Variants in PTPRT observed in about 807,000 individuals in gnomAD.
PTPRT encodes the protein receptor-type tyrosine-protein phosphatase T.
Under a neutral mutation model 176.8 loss-of-function variants are expected in PTPRT, and 56 were observed. That is an observed-to-expected ratio of 0.32 (90% CI 0.26 to 0.40). The LOEUF (loss-of-function observed/expected upper bound fraction) is 0.40, where lower values mean the gene tolerates loss of function less well. PTPRT is among the 10% of genes least tolerant of loss of function. The pLI is 1.00. For missense variants in PTPRT, 1,540 were observed against 1,908.2 expected (o/e 0.81, Z 3.60); for synonymous variants, 783 against 739.0 (o/e 1.06, Z -0.96).
chr20:42,733,002 G>A (rs966988475), intron 6 of PTPRT, among the ~76,000 whole-genome samples: 37 of 152,152 alleles, frequency 2.4e-4, no homozygotes, highest in African/African-American at 8.7e-4. Context: ...ATGAATAAAT[G>A]GGAACACTGA....
rs558916384 is a variant in PTPRT, at chr20:43,128,416, G to A, written c.88+61230C>T. Among the ~76,000 whole-genome samples, 100 of 152,320 alleles carry A rather than the reference G, an allele frequency of 6.6e-4. 1 individual carries two copies. The highest frequency in any genetic ancestry group is 1.0e-3 in the Admixed American group (16 of 15,296). On this transcript the variant is annotated intron_variant, in intron 1 of 30. Coordinates refer to ENST00000373187, the MANE Select transcript of PTPRT (RefSeq NM_007050.6). ...TATTACAAAACGCAGAACTCTGAAA[G>A]GTTCAAGTCCCTACGACAAATAAGC...
intron 1 of PTPRT, among the ~76,000 whole-genome samples, chr20:43,149,002 A>T (rs1377441423): frequency 2.0e-5 from 3 of 152,212 alleles, no homozygotes; most frequent in African/African-American, 7.2e-5. Context: ...GCTGCAGAAT[A>T]ACTGGGGGAA....
chr20:42,692,081 G>T (rs2075802107), intron 6 of PTPRT, among the ~76,000 whole-genome samples: 1 of 152,132 alleles, frequency 6.6e-6, no homozygotes, highest in Non-Finnish European at 1.5e-5. Flanking sequence ...ACAAAATCCT[G>T]CTTGAAGGTG....
intron 12 of PTPRT, among the ~76,000 whole-genome samples, chr20:42,301,889 T>C (rs2057474132): frequency 2.0e-5 from 3 of 152,224 alleles, no homozygotes; most frequent in Non-Finnish European, 2.9e-5. Flanking sequence ...ATGATCATTG[T>C]TGAAGCTGAG....
At chr20:42,555,190 TGGAA>T (rs1467691743) in intron 7 of PTPRT, among the ~76,000 whole-genome samples, 1 of 152,168 alleles carries the variant, frequency 6.6e-6, no homozygotes, top group Non-Finnish European at 1.5e-5. Context: ...GCTCTGGGCC[TGGAA>T]GGAAGGATTT....
At chr20:42,216,710 GTCCCATATTTGAGCTTC>G (rs1568680675) in intron 15 of PTPRT, among the ~76,000 whole-genome samples, 1 of 152,004 alleles carries the variant, frequency 6.6e-6, no homozygotes, top group Non-Finnish European at 1.5e-5. Flanking sequence ...TTGTTGCATC[GTCCCATATTTGAGCTTC>G]CCCGTGTCTA....
intron 17 of PTPRT, among the ~76,000 whole-genome samples, chr20:42,155,042 T>C (rs1300116366): frequency 6.6e-6 from 1 of 152,206 alleles, no homozygotes; most frequent in African/African-American, 2.4e-5. Context: ...CCATGGGTTT[T>C]CTTAGTGGTT....
intron 13 of PTPRT, among the ~76,000 whole-genome samples, chr20:42,267,889 T>C (rs1318410199): frequency 1.3e-5 from 2 of 152,234 alleles, no homozygotes; most frequent in Non-Finnish European, 2.9e-5. Flanking sequence ...TGATTACCTA[T>C]GACTGTGGCT....
chr20:42,384,147 A>G (rs1407120199), intron 9 of PTPRT, among the ~76,000 whole-genome samples: 1 of 152,230 alleles, frequency 6.6e-6, no homozygotes, highest in Admixed American at 6.5e-5. Context: ...CATCAAATGC[A>G]TATGGACCAT....
At chr20:42,504,532 CTAATT>C (rs546231183) in intron 7 of PTPRT, among the ~76,000 whole-genome samples, 40 of 152,170 alleles carry the variant, frequency 2.6e-4, no homozygotes, top group African/African-American at 8.4e-4. Flanking sequence ...TGCTTTCAGT[CTAATT>C]TATCTGATAT....
chr20:42,174,800 T>G (rs533602213), intron 16 of PTPRT, among the ~76,000 whole-genome samples: 21 of 152,082 alleles, frequency 1.4e-4, no homozygotes, highest in African/African-American at 4.8e-4. Context: ...GCCTGTGTGA[T>G]TTTGGGCAAG....
At chr20:42,382,609 G>T (rs2058707670) in intron 9 of PTPRT, among the ~76,000 whole-genome samples, 1 of 152,136 alleles carries the variant, frequency 6.6e-6, no homozygotes, top group African/African-American at 2.4e-5. Context: ...AGGAAAACAG[G>T]GGGAGAAGGG....
chr20:42,621,128 C>G (rs911640143), intron 7 of PTPRT, among the ~76,000 whole-genome samples: 1 of 152,108 alleles, frequency 6.6e-6, no homozygotes, highest in Non-Finnish European at 1.5e-5. Context: ...TGGGTGGGGA[C>G]AAAGAGCCAA....
At chr20:43,037,327 G>C (rs1230406695) in intron 1 of PTPRT, among the ~76,000 whole-genome samples, 1 of 152,180 alleles carries the variant, frequency 6.6e-6, no homozygotes, top group East Asian at 1.9e-4. Context: ...AAACTGATTT[G>C]ACTACATAAA....
chr20:42,477,476 G>A lies in PTPRT; in HGVS notation c.1154-4914C>T, dbSNP rs538876424. 1.0e-3 allele frequency among the ~76,000 whole-genome samples: 156 copies of A among 152,252 alleles called. 3 individuals are homozygous for A. The highest frequency in any genetic ancestry group is 2.8e-4 in the Non-Finnish European group (19 of 68,016). ...TTTAGAGTGTGATGGAAGCATTCAT[G>A]CTTTCAGTCCGACCCCTCTAAACCT... On this transcript the variant is annotated intron_variant, in intron 7 of 30. Coordinates refer to ENST00000373187, the MANE Select transcript of PTPRT (RefSeq NM_007050.6).
intron 1 of PTPRT, among the ~76,000 whole-genome samples, chr20:43,139,647 G>A (rs886895172): frequency 6.6e-6 from 1 of 152,208 alleles, no homozygotes; most frequent in African/African-American, 2.4e-5. Flanking sequence ...CTGGGCTATT[G>A]ATTTACCTAT....
intron 2 of PTPRT, among the ~76,000 whole-genome samples, chr20:42,846,059 A>G (rs986754748): frequency 2.6e-5 from 4 of 152,108 alleles, no homozygotes; most frequent in Non-Finnish European, 5.9e-5. Context: ...TCAAAACCTT[A>G]CCACCATCAC....
chr20:42,813,308 A>G (rs551025629), intron 2 of PTPRT, among the ~76,000 whole-genome samples: 1 of 152,068 alleles, frequency 6.6e-6, no homozygotes, highest in South Asian at 2.1e-4. Context: ...TCTGTTTCTG[A>G]AATGTTATTT....
At chr20:42,602,664 A>C (rs147993001) in intron 7 of PTPRT, among the ~76,000 whole-genome samples, 1 of 152,054 alleles carries the variant, frequency 6.6e-6, no homozygotes, top group African/African-American at 2.4e-5. Context: ...TACTCTTACC[A>C]CTATGTTCTT....
Sources: allele counts gnomAD v4.1 joint callset (sites outside exome capture counted in the v4.1 genomes callset), GRCh38; gene constraint gnomAD v4.1.1; transcripts MANE v1.5; gene names NCBI Gene and HGNC (gene_info 2026-07-23, HGNC 2026-07-21).